The following WDFY4 variants were observed in gnomAD, a reference collection of about 807,000 sequenced individuals.
WDFY4 encodes WDFY family member 4.
In WDFY4, 169 loss-of-function variants were observed where a neutral mutation model predicts 351.9. The observed-to-expected ratio is 0.48, with a 90% CI of 0.42 to 0.55. The LOEUF is 0.55. Ranked by LOEUF, WDFY4 falls within the 20% of genes least tolerant of loss-of-function variation. The pLI is 0.00. For synonymous variants in WDFY4, 1,622 were observed against 1,574.6 expected (o/e 1.03, Z -0.71); for missense variants, 3,803 against 3,935.6 (o/e 0.97, Z 0.90).
chr10:48,758,153 A>T (rs1458507948), intron 12 of WDFY4, among the ~76,000 whole-genome samples: 1 of 152,158 alleles, frequency 6.6e-6, no homozygotes, highest in Non-Finnish European at 1.5e-5. Context: ...GTCTTCCTTC[A>T]TCTGGGAACA....
intron 12 of WDFY4, among the ~76,000 whole-genome samples, chr10:48,749,422 C>T (rs2065112933): frequency 1.3e-5 from 2 of 152,014 alleles, no homozygotes; most frequent in Admixed American, 1.3e-4. Context: ...ACACACTGCA[C>T]TTACACACCA....
intron 35 of WDFY4, among the ~76,000 whole-genome samples, chr10:48,825,039 G>T (rs1226544336): frequency 3.3e-5 from 5 of 152,104 alleles, no homozygotes; most frequent in Non-Finnish European, 7.4e-5. Context: ...GTGGTTTGCT[G>T]CACCTATCAA....
At chr10:48,835,249 A>G (rs1274481040) in intron 39 of WDFY4, among the ~76,000 whole-genome samples, 1 of 152,166 alleles carries the variant, frequency 6.6e-6, no homozygotes, top group Non-Finnish European at 1.5e-5. Context: ...ATGAGAAAAA[A>G]CAATGCAGGG....
chr10:48,705,004 G>A (rs1016778926), intron 1 of WDFY4, among the ~76,000 whole-genome samples: 1 of 152,188 alleles, frequency 6.6e-6, no homozygotes, highest in Non-Finnish European at 1.5e-5. Flanking sequence ...TGAGGACCAT[G>A]AGGCAGGGAT....
chr10:48,965,666 G>A (rs1842041802), intron 54 of WDFY4, among the ~76,000 whole-genome samples: 1 of 151,252 alleles, frequency 6.6e-6, no homozygotes, highest in Non-Finnish European at 1.5e-5. Context: ...TACGCCTGGT[G>A]GATGACTTGC....
intron 51 of WDFY4, among the ~76,000 whole-genome samples, chr10:48,948,540 A>T (rs537214121): frequency 1.0e-3 from 152 of 152,310 alleles, no homozygotes; most frequent in African/African-American, 3.2e-3. Flanking sequence ...GTTGCTAAGG[A>T]TCTTTTCACA....
chr10:48,790,085 T>A (rs2066628779), intron 22 of WDFY4, 100 bp downstream of exon 22: 2 of 1,209,762 alleles, frequency 1.7e-6, no homozygotes, highest in South Asian at 2.6e-5. Context: ...CAGGATGGAG[T>A]GTGCCAGGGA....
chr10:48,733,196 T>A (rs1186302954), intron 9 of WDFY4, among the ~76,000 whole-genome samples: 5 of 152,228 alleles, frequency 3.3e-5, no homozygotes, highest in Non-Finnish European at 7.3e-5. Flanking sequence ...GAAATTAAAC[T>A]TTTTTGTGAG....
chr10:48,725,260 T>G (rs1021851452), intron 5 of WDFY4, among the ~76,000 whole-genome samples: 9 of 152,198 alleles, frequency 5.9e-5, no homozygotes, highest in Admixed American at 5.9e-4. Context: ...CAGCAGGTCC[T>G]GTTGGACCCC....
rs1352344126 is a variant in WDFY4 at position 48,974,519 on chromosome 10, A to AAAAAAAAAAAACAAG, written c.8929-333_8929-332insACAAGAAAAAAAAAA. On this transcript the variant is annotated intron_variant, in intron 57 of 61. Transcript: ENST00000325239. Reference sequence around the variant, plus strand: ...CTCCGTCTCAAAAAAAAAAAAAAAAAAAAAAAAAAACAACTCATGACATGA... The same window carrying AAAAAAAAAAAACAAG: ...CTCCGTCTCAAAAAAAAAAAAAAAAAAAAAAAAAAAACAAGAAAAAAAAAACAACTCATGACATGA... Among the ~76,000 whole-genome samples, 2 of 49,924 alleles carry AAAAAAAAAAAACAAG rather than the reference A, an allele frequency of 4.0e-5. 1 individual carries two copies. The highest frequency in any genetic ancestry group is 1.4e-4 in the African/African-American group (2 of 14,214). The allele number at this position is 49,924 out of a possible 152,430, so 32.8% of individuals were successfully genotyped here. A position where few individuals can be genotyped will look rare whatever the true frequency, so the allele number is the denominator to read the frequency against.
chr10:48,836,296 C>T (rs189297600), intron 39 of WDFY4, among the ~76,000 whole-genome samples: 19 of 152,240 alleles, frequency 1.2e-4, no homozygotes, highest in African/African-American at 3.4e-4. Flanking sequence ...TTAAAGACTC[C>T]GTTATTGGTT....
intron 44 of WDFY4, among the ~76,000 whole-genome samples, chr10:48,894,997 C>T (rs892590322): frequency 1.2e-4 from 19 of 152,184 alleles, no homozygotes; most frequent in Non-Finnish European, 2.9e-5. Context: ...AGAACCAAAG[C>T]GGTGTTTTGT....
chr10:48,947,453 A>T (rs1027447065), intron 51 of WDFY4, among the ~76,000 whole-genome samples: 1 of 152,256 alleles, frequency 6.6e-6, no homozygotes, highest in Admixed American at 6.5e-5. Flanking sequence ...ACAGACCATT[A>T]TACCAGCTTA....
intron 51 of WDFY4, among the ~76,000 whole-genome samples, chr10:48,948,266 G>C (rs1168579074): frequency 6.6e-6 from 1 of 152,128 alleles, no homozygotes; most frequent in Non-Finnish European, 1.5e-5. Flanking sequence ...TGCTTCCCCT[G>C]AGCCTTTCTC....
intron 12 of WDFY4, among the ~76,000 whole-genome samples, chr10:48,759,783 G>A (rs2065445236): frequency 6.6e-6 from 1 of 152,212 alleles, no homozygotes; most frequent in Non-Finnish European, 1.5e-5. Context: ...AGGGGATGCT[G>A]CAGAGGGGAA....
At chr10:48,940,959 C>T (rs959231018) in intron 47 of WDFY4, among the ~76,000 whole-genome samples, 5 of 152,118 alleles carry the variant, frequency 3.3e-5, no homozygotes, top group African/African-American at 9.7e-5. Context: ...ATTAGTATGG[C>T]CTTTTAAAGG....
In WDFY4 at chr10:48,731,425, G is replaced by C; in HGVS notation, c.1445G>C (p.Cys482Ser). Residue 482 changes from cysteine (C) to serine (S), a missense_variant, in exon 9 of 62, where the codon TGC becomes TCC. By Grantham distance (112) the Cys-to-Ser change is moderately radical (BLOSUM62 -1). This residue lies in a region of WDFY4 where 261 missense variants were observed against 330.2 expected (regional missense o/e 0.79). Transcript: ENST00000325239. ...HLIKESPGPS[C>S]TLMALQSILS... ...ATCAAGGAGAGCCCTGGGCCATCCTGCACCCTCATGGCCCTGCAGAGCATC... is the reference window on the plus strand; with the variant it reads ...ATCAAGGAGAGCCCTGGGCCATCCTCCACCCTCATGGCCCTGCAGAGCATC... 1 of 1,551,720 alleles carries C rather than the reference G, an allele frequency of 6.4e-7. No homozygotes were observed. Among genetic ancestry groups the C allele is most frequent in the Non-Finnish European group, 8.7e-7 (1 of 1,147,006 alleles).
At chr10:48,709,578 A>G in intron 1 of WDFY4, 138 bp from the exon 2 acceptor site, 1 of 709,080 alleles carries the variant, frequency 1.4e-6, no homozygotes, top group Non-Finnish European at 2.3e-6. Flanking sequence ...AGGCTTCCTT[A>G]TTTTAGTCTG....
chr10:48,771,999 T>G (rs1028174908), intron 13 of WDFY4, among the ~76,000 whole-genome samples: 11 of 152,150 alleles, frequency 7.2e-5, no homozygotes, highest in Non-Finnish European at 1.5e-5. Flanking sequence ...TTCACTTTGG[T>G]GGTCTAGAAC....
Sources: gnomAD v4.1 joint callset for allele counts (sites outside exome capture counted in the v4.1 genomes callset) on GRCh38, gnomAD v4.1.1 for gene constraint, gnomAD v4.1.1 regional missense constraint, MANE v1.5 for transcripts, NCBI Gene and HGNC (gene_info 2026-07-23, HGNC 2026-07-21) for gene names.